The following SPATA13 variants were observed in gnomAD, a reference collection of about 807,000 sequenced individuals.
SPATA13 encodes the protein spermatogenesis associated 13.
SPATA13 carries 50 observed loss-of-function variants against 104.0 expected under a neutral mutation model. The observed-to-expected ratio is 0.48, with a 90% CI of 0.38 to 0.61. The LOEUF (loss-of-function observed/expected upper bound fraction) is 0.61. Ranked by LOEUF, SPATA13 falls within the 20% of genes least tolerant of loss-of-function variation. The pLI is 0.00. For synonymous variants in SPATA13, 606 were observed against 667.5 expected, an observed-to-expected ratio of 0.91 and a Z score of 1.42; for missense variants, 1,524 against 1,690.6, an observed-to-expected ratio of 0.90 and a Z score of 1.73.
At chr13:24,018,837 A>C (rs1490085645) in intron 3 of SPATA13, among the ~76,000 whole-genome samples, 2 of 152,222 alleles carry the variant, frequency 1.3e-5, no homozygotes, top group Non-Finnish European at 2.9e-5. Flanking sequence ...ATACGAGTGG[A>C]TTATCAGTCA....
chr13:24,222,672 T>G, intron 1 of SPATA13, 147 bp from the exon 2 acceptor site: 1 of 630,274 alleles, frequency 1.6e-6, no homozygotes, highest in Non-Finnish European at 2.6e-6. Context: ...ACTTATGAAG[T>G]GAATGGAGGG....
At chr13:24,248,089 C>CG (rs1461518162) in intron 2 of SPATA13, among the ~76,000 whole-genome samples, 1 of 152,158 alleles carries the variant, frequency 6.6e-6, no homozygotes, top group Non-Finnish European at 1.5e-5. Flanking sequence ...GGGTGGAAGA[C>CG]GGAGGGCATG....
rs1379028526 is a variant in SPATA13 at position 24,205,207 on chromosome 13, C to G, written c.-111-17612C>G. On this transcript the variant is annotated intron_variant, in intron 1 of 12. Coordinates refer to ENST00000382108, the MANE Select transcript of SPATA13 (RefSeq NM_001166271.3). This position sits in a 1 kb window ranked among gnomAD's most constrained non-coding sequence, Gnocchi z 4.1. The stretch of plus-strand genomic sequence containing the variant: ...TCCTGAAAACCCCAAAGTCTCGCCC[C>G]CAAAGCTCCTTCAGCTGATAAACAA... Among the ~76,000 whole-genome samples the G allele has an allele frequency of 6.6e-6, 1 of 152,130 alleles. No individual in the cohort carries two copies. Among genetic ancestry groups the G allele is most frequent in the Non-Finnish European group, 1.5e-5 (1 of 68,024 alleles).
At chr13:24,109,170 C>T (rs765500937) in intron 3 of SPATA13, among the ~76,000 whole-genome samples, 1 of 152,122 alleles carries the variant, frequency 6.6e-6, no homozygotes, top group African/African-American at 2.4e-5. Flanking sequence ...CAAGTGTTCT[C>T]ATTGTTCAGT....
intron 3 of SPATA13, among the ~76,000 whole-genome samples, chr13:24,141,407 C>G (rs945130667): frequency 1.3e-5 from 2 of 152,162 alleles, no homozygotes; most frequent in African/African-American, 4.8e-5. Flanking sequence ...TTGGGCCTTG[C>G]TAATGCATTT....
intron 2 of SPATA13, among the ~76,000 whole-genome samples, chr13:23,990,648 C>T (rs1566064114): frequency 6.6e-6 from 1 of 152,156 alleles, no homozygotes; most frequent in African/African-American, 2.4e-5. Context: ...TGCAAATTGC[C>T]CTATGCTATA....
At chr13:24,062,434 C>A (rs759876197) in intron 3 of SPATA13, among the ~76,000 whole-genome samples, 1 of 152,172 alleles carries the variant, frequency 6.6e-6, no homozygotes, top group African/African-American at 2.4e-5. Context: ...TCTCCAATGG[C>A]GCCAGGGTGC....
At chr13:24,214,209 C>A (rs1465798542) in intron 1 of SPATA13, among the ~76,000 whole-genome samples, 1 of 152,194 alleles carries the variant, frequency 6.6e-6, no homozygotes, top group Non-Finnish European at 1.5e-5. Flanking sequence ...AAGCAGCCAC[C>A]TGCACATGTG....
intron 3 of SPATA13, among the ~76,000 whole-genome samples, chr13:24,148,813 G>A (rs781177756): frequency 6.6e-6 from 1 of 152,214 alleles, no homozygotes; most frequent in Non-Finnish European, 1.5e-5. Flanking sequence ...GATCTGGAAA[G>A]CTTGAGGAAG....
chr13:24,215,881 G>A (rs1357419670), intron 1 of SPATA13, among the ~76,000 whole-genome samples: 1 of 152,174 alleles, frequency 6.6e-6, no homozygotes, highest in Admixed American at 6.5e-5. Flanking sequence ...TGGTAAATGT[G>A]GGGGAGGTGC....
chr13:24,049,575 T>G (rs1006996671), intron 3 of SPATA13, among the ~76,000 whole-genome samples: 4 of 152,040 alleles, frequency 2.6e-5, no homozygotes, highest in African/African-American at 9.7e-5. Context: ...ACGTTTAAAA[T>G]GTAACATGCT....
At chr13:24,226,829 T>A (rs1871967285) in intron 2 of SPATA13, among the ~76,000 whole-genome samples, 1 of 152,204 alleles carries the variant, frequency 6.6e-6, no homozygotes, top group Non-Finnish European at 1.5e-5. Flanking sequence ...AGTAGAACCT[T>A]TGTAGAAAGA....
At chr13:24,070,849 G>A (rs1353392881) in intron 3 of SPATA13, among the ~76,000 whole-genome samples, 1 of 151,892 alleles carries the variant, frequency 6.6e-6, no homozygotes, top group African/African-American at 2.4e-5. Context: ...CAAAATAGCA[G>A]CTCTTCCTGG....
At chr13:24,061,096 C>T (rs1373389020) in intron 3 of SPATA13, among the ~76,000 whole-genome samples, 1 of 152,136 alleles carries the variant, frequency 6.6e-6, no homozygotes, top group African/African-American at 2.4e-5. Flanking sequence ...AGAGGACATA[C>T]ATGTGGCTAA....
Position 24,306,938 on chromosome 13 carries a change from T to A in SPATA13, c.*4165T>A, listed in dbSNP as rs989554052. 6.6e-6 allele frequency: 1 copy of A among 152,240 alleles called. No individual in the cohort carries two copies. The highest frequency in any genetic ancestry group is 1.5e-5 in the Non-Finnish European group (1 of 68,044). The allele number at this position is 152,240 out of a possible 1,614,324, so 9.4% of individuals were successfully genotyped here. A position where few individuals can be genotyped will look rare whatever the true frequency, so the allele number is the denominator to read the frequency against. Reference sequence around the variant, plus strand: ...ACAGCCAAAGTATAGTGTACAAGATTGATGTAACTTGATATGTATTTTTGT... The same window carrying A: ...ACAGCCAAAGTATAGTGTACAAGATAGATGTAACTTGATATGTATTTTTGT... On this transcript the variant is annotated 3_prime_UTR_variant, in exon 13 of 13. Coordinates refer to ENST00000382108, the MANE Select transcript of SPATA13 (RefSeq NM_001166271.3).
chr13:24,159,574 C>G (rs568219814), upstream of SPATA13, among the ~76,000 whole-genome samples: 72 of 152,244 alleles, frequency 4.7e-4, no homozygotes, highest in African/African-American at 1.6e-3. Context: ...TTGATGGGCC[C>G]ATGTTGTTAC....
chr13:24,099,276 T>C (rs1880181472), intron 3 of SPATA13, among the ~76,000 whole-genome samples: 1 of 152,210 alleles, frequency 6.6e-6, no homozygotes, highest in Admixed American at 6.5e-5. Flanking sequence ...AATATCATTC[T>C]ATCTAATAAA....
rs764932970 is a variant in SPATA13 at position 24,270,902 on chromosome 13, C to G, written c.2165-13233C>G. ...TAGCAAGATTCTGGAGTCTGGAAAGCCTTCACTTGGGTATGTGTGCAAAGA... is the reference window on the plus strand; with the variant it reads ...TAGCAAGATTCTGGAGTCTGGAAAGGCTTCACTTGGGTATGTGTGCAAAGA... On this transcript the variant is annotated intron_variant, in intron 4 of 12. Transcript: ENST00000382108. 4 of 1,611,104 alleles carry G rather than the reference C, an allele frequency of 2.5e-6. No individual in the cohort carries two copies. The African/African-American group carries it at 4.0e-5, about 16-fold the overall frequency.
At chr13:24,289,968 GT>G (rs1876219636) in intron 8 of SPATA13, among the ~76,000 whole-genome samples, 1 of 152,202 alleles carries the variant, frequency 6.6e-6, no homozygotes, top group South Asian at 2.1e-4. Context: ...TTTGTGTTAA[GT>G]TAGTCAGCTG....
Sources: allele counts gnomAD v4.1 joint callset (sites outside exome capture counted in the v4.1 genomes callset), GRCh38; gene constraint gnomAD v4.1.1; non-coding constraint Gnocchi (gnomAD v3.1); transcripts MANE v1.5; gene names NCBI Gene and HGNC (gene_info 2026-07-23, HGNC 2026-07-21).